RTBDN: variants seen among roughly 807,000 people sequenced by gnomAD.
RTBDN encodes the protein retbindin.
RTBDN carries 24 observed loss-of-function variants against 21.9 expected under a neutral mutation model. That is an observed-to-expected ratio of 1.10 (90% CI 0.79 to 1.54). The LOEUF (loss-of-function observed/expected upper bound fraction) is 1.54, where lower values mean the gene tolerates loss of function less well. Among genes scored for constraint, RTBDN ranks in the 40% most tolerant of loss-of-function variants. The pLI, the probability that RTBDN is intolerant of heterozygous loss-of-function variation, is 0.00. For synonymous variants in RTBDN, 141 were observed against 125.9 expected, an observed-to-expected ratio of 1.12 and a Z score of -0.80; for missense variants, 325 against 315.2, an observed-to-expected ratio of 1.03 and a Z score of -0.23.
chr19:12,826,160 G>A, intron 5 of RTBDN: 7 of 1,377,074 alleles, frequency 5.1e-6, no homozygotes, highest in South Asian at 1.7e-5. Context: ...GTTGGGGGGC[G>A]CGCAGAGAGG....
intron 1 of RTBDN, among the ~76,000 whole-genome samples, chr19:12,833,491 G>A (rs540188132): frequency 2.6e-5 from 4 of 152,094 alleles, no homozygotes; most frequent in African/African-American, 9.6e-5. Flanking sequence ...GGGAGTTCTT[G>A]ATTGGACAGG....
Position 12,825,529 on chromosome 19 carries a change from A to T in RTBDN, c.*177T>A, listed in dbSNP as rs1290135317. Reference sequence around the variant, plus strand: ...CAAAGGGGAGAGGGAAAAGTGAGAGAGTTGGGTCATTTCTGGGATAACCTG... The same window carrying T: ...CAAAGGGGAGAGGGAAAAGTGAGAGTGTTGGGTCATTTCTGGGATAACCTG... On this transcript the variant is annotated 3_prime_UTR_variant, in exon 6 of 6. Transcript: ENST00000674343. 1.8e-5 allele frequency: 17 copies of T among 960,144 alleles called. No homozygotes were observed. The East Asian group carries it at 1.8e-4, about 10-fold the overall frequency. 59.5% of individuals were successfully genotyped at this position (960,144 alleles called of 1,614,324 possible).
At chr19:12,826,304 A>G in intron 5 of RTBDN, 2 of 1,208,912 alleles carry the variant, frequency 1.7e-6, no homozygotes, top group South Asian at 3.2e-5. Flanking sequence ...TTGGGGTCAA[A>G]GGGCACAACC....
At chr19:12,833,265 T>C (rs1274114128) in intron 1 of RTBDN, among the ~76,000 whole-genome samples, 1 of 152,062 alleles carries the variant, frequency 6.6e-6, no homozygotes, top group African/African-American at 2.4e-5. Flanking sequence ...GCATGAGATC[T>C]CTCCTGGGGC....
rs759133205 is a variant in RTBDN, at chr19:12,828,646, G to A, written c.365+11C>T. 4 of 1,601,966 alleles carry A rather than the reference G, an allele frequency of 2.5e-6. No individual in the cohort carries two copies. In the African/African-American group the frequency reaches 4.0e-5, roughly 16 times the overall value. On this transcript the variant is annotated intron_variant, in intron 4 of 5. Transcript: ENST00000674343. ...GTCACAACCCACGCCCCTTGCCCCC[G>A]CGTCTCCTACCAGGCCTGGCAGAGC...
rs770094040 is a variant in RTBDN, at chr19:12,829,829, C to T, written c.151G>A (p.Gly51Ser). Residue 51 changes from glycine to serine, a missense_variant, in exon 2 of 6, where the codon GGC becomes AGC. Physicochemically the swap from Gly to Ser is moderately conservative, Grantham distance 56 (BLOSUM62 0). Coordinates refer to ENST00000674343, the MANE Select transcript of RTBDN (RefSeq NM_001270441.2). ...TGCTCACCTGCCAGGTGCAGCTTGCCTTTGCCCAGATCAGCTGCCAGCCCA... is the reference window on the plus strand; with the variant it reads ...TGCTCACCTGCCAGGTGCAGCTTGCTTTTGCCCAGATCAGCTGCCAGCCCA... The part of the protein sequence containing the change: ...HHGLAADLGK[G>S]KLHLAGPCCP... 6 of 1,612,998 alleles carry T rather than the reference C, an allele frequency of 3.7e-6. No individual in the cohort carries two copies. In the East Asian group the frequency reaches 6.7e-5, roughly 18 times the overall value.
rs752822833 is a variant in RTBDN at position 12,828,738 on chromosome 19, C to T, written c.284G>A (p.Arg95His). 4 of 1,614,086 alleles carry T rather than the reference C, an allele frequency of 2.5e-6. No individual in the cohort carries two copies. In the African/African-American group the frequency reaches 4.0e-5, roughly 16 times the overall value. The change falls in exon 4 of 6, where the codon CGT becomes CAT. Residue 95 changes from arginine (R) to histidine (H), a missense_variant. By Grantham distance (29) the Arg-to-His change is conservative (BLOSUM62 0). Coordinates refer to ENST00000674343, the MANE Select transcript of RTBDN (RefSeq NM_001270441.2). The stretch of plus-strand genomic sequence containing the variant: ...CAGGCGGAAGCGACTGCGAAGGGCA[C>T]GTTGGAGGTGTTCCAGGAAGGATTC... ...ECESFLEHLQ[R>H]ALRSRFRLRL...
Position 12,830,205 on chromosome 19 carries a change from C to A in RTBDN, c.-18-208G>T, listed in dbSNP as rs1005113631. The A allele has an allele frequency of 3.0e-6, 4 of 1,321,180 alleles. No individual in the cohort carries two copies. The highest frequency in any genetic ancestry group is 3.9e-6 in the Non-Finnish European group (4 of 1,024,554). The allele number at this position is 1,321,180 out of a possible 1,614,324, so 81.8% of individuals were successfully genotyped here. A position where few individuals can be genotyped will look rare whatever the true frequency, so the allele number is the denominator to read the frequency against. On this transcript the variant is annotated intron_variant, in intron 1 of 5. Coordinates refer to ENST00000674343, the MANE Select transcript of RTBDN (RefSeq NM_001270441.2). This position sits in a 1 kb window ranked among gnomAD's most constrained non-coding sequence, Gnocchi z 4.2. ...AGCCCCCCTCCCATCAGAACCATGT[C>A]CTCTATGTCCCTTCAGTGCCACCCC...
rs78155676 is a variant in RTBDN at position 12,830,386 on chromosome 19, C to G, written c.-18-389G>C. On this transcript the variant is annotated intron_variant, in intron 1 of 5. Transcript: ENST00000674343. The surrounding 1 kb of genome is among the most constrained non-coding windows in gnomAD (Gnocchi z 4.2). The stretch of plus-strand genomic sequence containing the variant: ...CAGTAATTCCTCCCTCTCTTCTATG[C>G]GGCCTCCCTCCTCCCTCTCTCGCTC... The G allele has an allele frequency of 1.6e-4, 160 of 994,418 alleles. 3 individuals are homozygous for G. In the East Asian group the frequency reaches 0.012, roughly 72 times the overall value. 61.6% of individuals were successfully genotyped at this position (994,418 alleles called of 1,614,324 possible).
In RTBDN at chr19:12,825,562, G is replaced by A; in HGVS notation, c.*144C>T. 1 of 1,232,238 alleles carries A rather than the reference G, an allele frequency of 8.1e-7. No homozygotes were observed. The allele number at this position is 1,232,238 out of a possible 1,614,324, so 76.3% of individuals were successfully genotyped here. ...CATTTCTGGGATAACCTGGAGAGGG[G>A]TGGGTCTCTGGAGCTCCAGGGAGGA... On this transcript the variant is annotated 3_prime_UTR_variant, in exon 6 of 6. Transcript: ENST00000674343.
chr19:12,826,480 G>C, intron 5 of RTBDN: 1 of 1,099,438 alleles, frequency 9.1e-7, no homozygotes, highest in Non-Finnish European at 1.2e-6. Flanking sequence ...GATCACCTGA[G>C]GTCAGGAGTT....
chr19:12,833,893 C>T, intron 1 of RTBDN: 2 of 329,578 alleles, frequency 6.1e-6, no homozygotes, highest in Non-Finnish European at 1.1e-5. Flanking sequence ...GCTTCTCACT[C>T]CCTCCCTCCT....
intron 1 of RTBDN, among the ~76,000 whole-genome samples, chr19:12,833,167 T>TG (rs754595416): frequency 6.2e-4 from 94 of 151,522 alleles, no homozygotes; most frequent in Non-Finnish European, 1.0e-3. Context: ...GGCAGGTGGG[T>TG]GGGGGGGCAT....
Position 12,825,941 on chromosome 19 carries a change from A to G in RTBDN, c.463-8T>C. The G allele has an allele frequency of 6.4e-6, 10 of 1,568,674 alleles. No individual in the cohort carries two copies. The highest frequency in any genetic ancestry group is 1.8e-5 in the Admixed American group (1 of 54,358). The stretch of plus-strand genomic sequence containing the variant: ...CGTCCCGTCTGCGAAGGTCTAGGAA[A>G]AAGTGGAGTTAAGGCCCTAGTGGGC... On this transcript the variant is annotated splice_polypyrimidine_tract_variant and splice_region_variant and intron_variant, in intron 5 of 5. Transcript: ENST00000674343.
upstream of RTBDN, chr19:12,834,903 C>T (rs940047028): frequency 6.3e-6 from 10 of 1,594,914 alleles, no homozygotes; most frequent in African/African-American, 1.2e-4. This position sits in a 1 kb window ranked among gnomAD's most constrained non-coding sequence, Gnocchi z 4.7. Context: ...CCAAACATCC[C>T]AGAGGGGAAG....
chr19:12,826,390 C>T, intron 5 of RTBDN: 2 of 1,273,966 alleles, frequency 1.6e-6, no homozygotes, highest in South Asian at 1.3e-5. Flanking sequence ...GGTCTAGACA[C>T]GGTAAGAAAG....
At chr19:12,832,874 CACCCCT>C (rs1396668698) in intron 1 of RTBDN, 1 of 152,224 alleles carries the variant, frequency 6.6e-6, no homozygotes. Flanking sequence ...TACTGGCCAC[CACCCCT>C]TGGGAAGCCC....
At chr19:12,829,048 A>G in intron 2 of RTBDN, 95 bp from the exon 3 acceptor site, 1 of 1,551,836 alleles carries the variant, frequency 6.4e-7, no homozygotes. Context: ...GGAGACAACA[A>G]TTACATCAAT....
At chr19:12,826,123 C>G (rs1265247220) in intron 5 of RTBDN, 190 bp from the exon 6 acceptor site, 1 of 1,390,852 alleles carries the variant, frequency 7.2e-7, no homozygotes, top group Non-Finnish European at 9.3e-7. Context: ...TTACTGGGCC[C>G]TAGCGGGATG....
Sources: allele counts gnomAD v4.1 joint callset (sites outside exome capture counted in the v4.1 genomes callset), GRCh38; gene constraint gnomAD v4.1.1; non-coding constraint Gnocchi (gnomAD v3.1); transcripts MANE v1.5; gene names NCBI Gene and HGNC (gene_info 2026-07-23, HGNC 2026-07-21).